Variants in DPP6 observed in about 807,000 individuals in gnomAD.
The protein encoded by DPP6 is A-type potassium channel modulatory protein DPP6.
DPP6 carries 69 observed loss-of-function variants against 122.6 expected under a neutral mutation model. The observed-to-expected ratio is 0.56, with a 90% CI of 0.46 to 0.69. The LOEUF (loss-of-function observed/expected upper bound fraction) is 0.69, where lower values mean the gene tolerates loss of function less well. Ranked by LOEUF, DPP6 falls within the 30% of genes least tolerant of loss-of-function variation. The probability of loss-of-function intolerance (pLI) is 0.00; values close to 1 mark genes in which losing one functional copy is unlikely to be tolerated. For missense variants in DPP6, 928 were observed against 1,116.9 expected (o/e 0.83, Z 2.41); for synonymous variants, 418 against 433.1 (o/e 0.97, Z 0.43).
chr7:154,684,582 T>C (rs1839486132), intron 7 of DPP6, among the ~76,000 whole-genome samples: 1 of 152,226 alleles, frequency 6.6e-6, no homozygotes, highest in Non-Finnish European at 1.5e-5. Flanking sequence ...TGACCTTTCA[T>C]CTCTAGCCAC....
At chr7:153,773,309 A>ATT in the DPP6 span, among the ~76,000 whole-genome samples, 8 of 72,814 alleles carry the variant, frequency 1.1e-4, no homozygotes, top group African/African-American at 3.4e-4. Flanking sequence ...GTGTATGTGT[A>ATT]TTTTATATAT....
chr7:154,528,834 G>A (rs1032249884), intron 3 of DPP6, among the ~76,000 whole-genome samples: 1 of 152,114 alleles, frequency 6.6e-6, no homozygotes, highest in Admixed American at 6.5e-5. Flanking sequence ...GATCTTACCC[G>A]GCCATAGTGG....
At chr7:154,777,231 T>C (rs538459039) in intron 10 of DPP6, among the ~76,000 whole-genome samples, 7 of 152,146 alleles carry the variant, frequency 4.6e-5, no homozygotes, top group Non-Finnish European at 8.8e-5. Context: ...AGAGTCTGCA[T>C]GGAAGTGTGG....
At chr7:154,800,627 C>T (rs1798303112) in intron 12 of DPP6, among the ~76,000 whole-genome samples, 1 of 152,176 alleles carries the variant, frequency 6.6e-6, no homozygotes, top group South Asian at 2.1e-4. Context: ...GAACCCTTCC[C>T]CCAGGGAAAA....
chr7:154,041,932 T>C (rs1254913393), intron 1 of DPP6, among the ~76,000 whole-genome samples: 1 of 152,162 alleles, frequency 6.6e-6, no homozygotes. Context: ...CTAATTTTTG[T>C]ATTTTTAGTA....
At chr7:154,890,857 C>T (rs1442438473) in intron 25 of DPP6, 1 of 152,146 alleles carries the variant, frequency 6.6e-6, no homozygotes, top group Non-Finnish European at 1.5e-5. Context: ...TTAATAAATA[C>T]TTCAAAATAA....
At chr7:154,526,238 A>G (rs1425363451) in intron 3 of DPP6, among the ~76,000 whole-genome samples, 2 of 152,218 alleles carry the variant, frequency 1.3e-5, no homozygotes, top group African/African-American at 4.8e-5. Flanking sequence ...TTAAGATAAT[A>G]TCTTTAACAC....
At chr7:153,787,450 A>G in the DPP6 span, among the ~76,000 whole-genome samples, 1 of 141,932 alleles carries the variant, frequency 7.0e-6, no homozygotes, top group African/African-American at 2.6e-5. Flanking sequence ...TTTAATAATT[A>G]TACATTAACA....
the DPP6 span, among the ~76,000 whole-genome samples, chr7:153,827,492 C>T: frequency 2.0e-5 from 3 of 152,070 alleles, no homozygotes; most frequent in African/African-American, 7.2e-5. Flanking sequence ...GAGGAAGAAA[C>T]CAGGGGTGAA....
chr7:154,235,377 GAC>G (rs1801145785), intron 1 of DPP6, among the ~76,000 whole-genome samples: 1 of 152,144 alleles, frequency 6.6e-6, no homozygotes, highest in Non-Finnish European at 1.5e-5. Context: ...GTCAAATAAC[GAC>G]ACAGTGTTTT....
chr7:154,559,686 G>T (rs9791658), intron 4 of DPP6, among the ~76,000 whole-genome samples: 7,116 of 152,040 alleles, frequency 0.047, 648 homozygotes, highest in East Asian at 0.41. Flanking sequence ...ACATTGGAAT[G>T]AGATCATTTA....
At chr7:154,305,726 C>T (rs751384281) in intron 1 of DPP6, among the ~76,000 whole-genome samples, 12 of 152,056 alleles carry the variant, frequency 7.9e-5, no homozygotes, top group Admixed American at 1.3e-4. Context: ...TGGGAGGAGA[C>T]GTAGAGTGCT....
chr7:154,303,727 C>T (rs553497571), intron 1 of DPP6, among the ~76,000 whole-genome samples: 2 of 152,222 alleles, frequency 1.3e-5, no homozygotes, highest in Admixed American at 1.3e-4. Context: ...TACCCCTGGC[C>T]GAACCATGCA....
chr7:154,766,486 T>C (rs185306663), intron 8 of DPP6, among the ~76,000 whole-genome samples: 8 of 152,260 alleles, frequency 5.3e-5, no homozygotes, highest in Non-Finnish European at 1.2e-4. Flanking sequence ...TTTGTATTTT[T>C]AGTACAGACA....
At chr7:153,841,566 G>A in the DPP6 span, among the ~76,000 whole-genome samples, 11 of 152,258 alleles carry the variant, frequency 7.2e-5, no homozygotes, top group Admixed American at 4.6e-4. Context: ...GAAATAATGG[G>A]ATGGTTTGAG....
intron 1 of DPP6, among the ~76,000 whole-genome samples, chr7:153,902,633 G>C (rs555455800): frequency 6.6e-6 from 1 of 152,130 alleles, no homozygotes; most frequent in Admixed American, 6.5e-5. Context: ...TCAGGAGTTC[G>C]AGACCAGCCT....
intron 1 of DPP6, chr7:154,305,352 C>G: frequency 9.8e-7 from 1 of 1,022,522 alleles, no homozygotes; most frequent in South Asian, 3.9e-5. Flanking sequence ...CCTCCCTCCC[C>G]CATCCTCCCC....
chr7:153,962,071 C>T (rs1585095452), intron 1 of DPP6, among the ~76,000 whole-genome samples: 1 of 149,862 alleles, frequency 6.7e-6, no homozygotes, highest in Non-Finnish European at 1.5e-5. Flanking sequence ...ATGGCGGTGG[C>T]ATCACTTTGC....
intron 16 of DPP6, among the ~76,000 whole-genome samples, chr7:154,853,528 A>C (rs931751666): frequency 6.6e-6 from 1 of 152,384 alleles, no homozygotes; most frequent in African/African-American, 2.4e-5. Context: ...ATGGCATTAC[A>C]ATAATCTGAA....
Sources: gnomAD v4.1 joint callset for allele counts (sites outside exome capture counted in the v4.1 genomes callset) on GRCh38, gnomAD v4.1.1 for gene constraint, MANE v1.5 for transcripts, NCBI Gene and HGNC (gene_info 2026-07-23, HGNC 2026-07-21) for gene names.